YTHDC2: variants seen among roughly 807,000 people sequenced by gnomAD.
YTHDC2 encodes the protein YTH N6-methyladenosine RNA binding protein C2, also known as 3'-5' RNA helicase YTHDC2.
Under a neutral mutation model 174.9 loss-of-function variants are expected in YTHDC2, and 45 were observed. The ratio of observed to expected loss-of-function variants is 0.26; its 90% CI spans 0.20 to 0.33. YTHDC2 has a LOEUF of 0.33. Ranked by LOEUF, YTHDC2 falls within the 10% of genes least tolerant of loss-of-function variation. The pLI, the probability that YTHDC2 is intolerant of heterozygous loss-of-function variation, is 1.00. For missense variants in YTHDC2, 1,650 were observed against 1,723.7 expected (o/e 0.96, Z 0.76); for synonymous variants, 657 against 574.5 (o/e 1.14, Z -2.05).
intron 2 of YTHDC2, among the ~76,000 whole-genome samples, chr5:113,518,007 G>T (rs1194587633): frequency 6.6e-6 from 1 of 151,462 alleles, no homozygotes; most frequent in African/African-American, 2.4e-5. Context: ...TCCTGCCTCA[G>T]CCTCCCAAGT....
intron 18 of YTHDC2, among the ~76,000 whole-genome samples, chr5:113,562,014 CTT>C (rs960223420): frequency 1.5e-5 from 2 of 133,284 alleles, no homozygotes; most frequent in African/African-American, 5.9e-5. Context: ...AGTTTTCTAA[CTT>C]CATGGAACAG....
At chr5:113,553,417 T>G in intron 13 of YTHDC2, 58 bp downstream of exon 13, 1 of 1,501,062 alleles carries the variant, frequency 6.7e-7, no homozygotes. Context: ...GAATTAATAT[T>G]TTAAGTGTAC....
chr5:113,557,997 A>G (rs977250639), intron 17 of YTHDC2, among the ~76,000 whole-genome samples: 35 of 152,332 alleles, frequency 2.3e-4, no homozygotes, highest in African/African-American at 7.7e-4. Flanking sequence ...AGTCCAGTAA[A>G]TTAAGCAATT....
rs1282860840 is a variant in YTHDC2 at position 113,569,424 on chromosome 5, T to C, written c.3244+1575T>C. On this transcript the variant is annotated intron_variant, in intron 23 of 29. Transcript: ENST00000161863. ...TTATCATGAAATCTTTGCCTGTGCC[T>C]ATGTCCTGAATGGTATTGCCTAGAT... 2.0e-5 allele frequency among the ~76,000 whole-genome samples: 3 copies of C among 152,232 alleles called. No individual in the cohort carries two copies. The East Asian group carries it at 5.8e-4, about 29-fold the overall frequency.
chr5:113,568,578 T>G (rs1043500396), intron 23 of YTHDC2, among the ~76,000 whole-genome samples: 5 of 152,182 alleles, frequency 3.3e-5, no homozygotes, highest in Admixed American at 6.5e-5. Flanking sequence ...TCTGTGTCCA[T>G]GTGTTCTCAT....
intron 7 of YTHDC2, 59 bp downstream of exon 7, chr5:113,535,857 A>G (rs905239584): frequency 9.3e-6 from 13 of 1,394,792 alleles, no homozygotes; most frequent in South Asian, 5.7e-5. Context: ...TTTGGACATT[A>G]TTTATCCTAA....
At chr5:113,560,648 T>C (rs1169538534) in intron 17 of YTHDC2, among the ~76,000 whole-genome samples, 1 of 152,226 alleles carries the variant, frequency 6.6e-6, no homozygotes, top group African/African-American at 2.4e-5. Flanking sequence ...TGCAAGTCTT[T>C]ATGATGACAG....
intron 10 of YTHDC2, among the ~76,000 whole-genome samples, chr5:113,543,208 T>C (rs1427562996): frequency 2.0e-5 from 3 of 152,194 alleles, no homozygotes; most frequent in African/African-American, 4.8e-5. Context: ...CAGTTGGATG[T>C]CTGTTAGGTG....
intron 17 of YTHDC2, 96 bp downstream of exon 17, chr5:113,556,230 A>C (rs188805961): frequency 2.3e-4 from 135 of 580,922 alleles, no homozygotes; most frequent in Admixed American, 9.0e-4. Context: ...TGTTCAATAA[A>C]ATAGTAGTTT....
chr5:113,549,245 A>T (rs1776090738), intron 12 of YTHDC2, among the ~76,000 whole-genome samples: 1 of 152,196 alleles, frequency 6.6e-6, no homozygotes, highest in African/African-American at 2.4e-5. Flanking sequence ...GGTACAACAT[A>T]AGTATCTCTG....
intron 20 of YTHDC2, 40 bp downstream of exon 20, chr5:113,564,171 G>C (rs1302021551): frequency 1.3e-6 from 2 of 1,525,194 alleles, no homozygotes; most frequent in Admixed American, 4.1e-5. Flanking sequence ...ACGTTGCTGG[G>C]TAAACACGTT....
intron 4 of YTHDC2, among the ~76,000 whole-genome samples, chr5:113,531,449 G>A (rs1774657991): frequency 6.6e-6 from 1 of 152,042 alleles, no homozygotes; most frequent in South Asian, 2.1e-4. Context: ...CCTACCTCCT[G>A]AGTAGAGAGC....
intron 2 of YTHDC2, among the ~76,000 whole-genome samples, chr5:113,518,187 G>GTT (rs1201792684): frequency 8.8e-5 from 10 of 113,276 alleles, no homozygotes; most frequent in Admixed American, 2.8e-4. Flanking sequence ...TGCACCTGGC[G>GTT]TTTTTTTGTT....
chr5:113,548,933 T>C, intron 11 of YTHDC2, 22 bp from the exon 12 acceptor site: 14 of 1,608,506 alleles, frequency 8.7e-6, no homozygotes, highest in African/African-American at 2.7e-5. Context: ...TGACATCTTA[T>C]ATATCCTTTG....
At chr5:113,542,053 A>C (rs1775517404) in intron 9 of YTHDC2, among the ~76,000 whole-genome samples, 1 of 152,126 alleles carries the variant, frequency 6.6e-6, no homozygotes, top group Admixed American at 6.5e-5. Context: ...ACTTCCCTTG[A>C]TGTGCAGTTG....
intron 21 of YTHDC2, 60 bp downstream of exon 21, chr5:113,566,079 A>T (rs114121042): frequency 1.4e-6 from 2 of 1,473,188 alleles, no homozygotes; most frequent in African/African-American, 2.9e-5. Context: ...CCCATATTTC[A>T]TAGTATTTCT....
intron 3 of YTHDC2, among the ~76,000 whole-genome samples, chr5:113,525,755 T>C (rs578063025): frequency 1.4e-3 from 208 of 152,240 alleles, no homozygotes; most frequent in African/African-American, 4.8e-3. Context: ...AAAGATGTAA[T>C]TTTACTATTT....
At chr5:113,576,114 A>T (rs567881305) in intron 23 of YTHDC2, among the ~76,000 whole-genome samples, 1 of 152,042 alleles carries the variant, frequency 6.6e-6, no homozygotes, top group Non-Finnish European at 1.5e-5. Context: ...ATTTTTTTTT[A>T]GGAAGCAGTT....
At chr5:113,522,430 T>G (rs894220293) in intron 2 of YTHDC2, among the ~76,000 whole-genome samples, 2 of 152,136 alleles carry the variant, frequency 1.3e-5, no homozygotes, top group African/African-American at 4.8e-5. Context: ...AATGCATCGG[T>G]TACTTTTATT....
Sources: allele counts gnomAD v4.1 joint callset (sites outside exome capture counted in the v4.1 genomes callset), GRCh38; gene constraint gnomAD v4.1.1; transcripts MANE v1.5; gene names NCBI Gene and HGNC (gene_info 2026-07-23, HGNC 2026-07-21).